The following FBN1 variants were observed in gnomAD, a reference collection of about 807,000 sequenced individuals.
The protein encoded by FBN1 is fibrillin-1.
In FBN1, 29 loss-of-function variants were observed where a neutral mutation model predicts 365.1. The ratio of observed to expected loss-of-function variants is 0.08; its 90% CI spans 0.06 to 0.11. FBN1 has a LOEUF of 0.11. FBN1 is among the 10% of genes least tolerant of loss of function. FBN1 has a pLI of 1.00. For synonymous variants in FBN1, 1,210 were observed against 1,270.5 expected (o/e 0.95, Z 1.01); for missense variants, 2,476 against 3,703.2 (o/e 0.67, Z 8.60).
chr15:48,484,051 A>C, intron 30 of FBN1, 108 bp from the exon 31 acceptor site: 1 of 1,097,810 alleles, frequency 9.1e-7, no homozygotes, highest in Non-Finnish European at 1.4e-6. Context: ...CTAGCATAAG[A>C]CTATTAACTC....
chr15:48,571,571 C>G (rs2044305804), intron 6 of FBN1, among the ~76,000 whole-genome samples: 1 of 152,022 alleles, frequency 6.6e-6, no homozygotes, highest in Non-Finnish European at 1.5e-5. Flanking sequence ...ATTTAAGAAC[C>G]TATTTCAATA....
chr15:48,617,105 A>T (rs572925408), intron 2 of FBN1, among the ~76,000 whole-genome samples: 5 of 152,232 alleles, frequency 3.3e-5, no homozygotes, highest in Middle Eastern at 3.2e-3. Context: ...CATAAGTAAC[A>T]CAAATCACAG....
intron 2 of FBN1, among the ~76,000 whole-genome samples, chr15:48,631,575 G>A (rs1209695152): frequency 6.6e-6 from 1 of 152,166 alleles, no homozygotes; most frequent in Non-Finnish European, 1.5e-5. Context: ...ACTAACACAT[G>A]GCTCAGTCCT....
At chr15:48,425,271 G>T in intron 60 of FBN1, 98 bp downstream of exon 60, 1 of 1,525,302 alleles carries the variant, frequency 6.6e-7, no homozygotes, top group Non-Finnish European at 9.1e-7. Context: ...CCTGCCTGTA[G>T]AGCAGGTCTT....
At chr15:48,637,829 GGTT>G (rs1890121995) in intron 2 of FBN1, among the ~76,000 whole-genome samples, 1 of 152,138 alleles carries the variant, frequency 6.6e-6, no homozygotes, top group Non-Finnish European at 1.5e-5. Context: ...GTAGATCAGA[GGTT>G]GTTAAACTTT....
At chr15:48,636,397 C>T (rs969993332) in intron 2 of FBN1, among the ~76,000 whole-genome samples, 8 of 152,274 alleles carry the variant, frequency 5.3e-5, no homozygotes, top group Admixed American at 3.3e-4. Context: ...CCCAGCCCTT[C>T]GAGTTAGCCT....
chr15:48,569,102 C>T (rs2044284545), intron 6 of FBN1, among the ~76,000 whole-genome samples: 1 of 151,968 alleles, frequency 6.6e-6, no homozygotes. Context: ...AAAGAACTTG[C>T]ATTAAAAACT....
chr15:48,458,513 T>C (rs1288077865), intron 43 of FBN1, among the ~76,000 whole-genome samples: 1 of 152,138 alleles, frequency 6.6e-6, no homozygotes, highest in Non-Finnish European at 1.5e-5. Flanking sequence ...GTATCATAAG[T>C]AAACAAAAAA....
intron 42 of FBN1, 146 bp downstream of exon 42, chr15:48,462,936 A>G: frequency 1.3e-6 from 1 of 790,782 alleles, no homozygotes; most frequent in East Asian, 2.4e-5. Context: ...GACCAGCACC[A>G]ACTGTGAATT....
At chr15:48,606,320 C>A (rs914649558) in intron 4 of FBN1, among the ~76,000 whole-genome samples, 1 of 151,828 alleles carries the variant, frequency 6.6e-6, no homozygotes, top group African/African-American at 2.4e-5. Context: ...GAAAAAAAAA[C>A]TGATGACAAC....
intron 6 of FBN1, among the ~76,000 whole-genome samples, chr15:48,558,426 T>TC (rs1178678989): frequency 6.6e-6 from 1 of 152,128 alleles, no homozygotes; most frequent in Admixed American, 6.6e-5. Flanking sequence ...AAACAGGTAC[T>TC]CCCCCAAGTA....
chr15:48,503,279 A>G (rs2043677100), intron 17 of FBN1, among the ~76,000 whole-genome samples: 1 of 143,846 alleles, frequency 7.0e-6, no homozygotes, highest in Non-Finnish European at 1.5e-5. Context: ...CCTGGGCAAC[A>G]GGGCGAGACT....
intron 6 of FBN1, among the ~76,000 whole-genome samples, chr15:48,564,854 G>C (rs549816087): frequency 2.8e-4 from 43 of 152,064 alleles, no homozygotes; most frequent in African/African-American, 9.6e-4. Context: ...CTGGGTATCT[G>C]GTCTCACCTT....
chr15:48,410,938 C>T lies in FBN1; in HGVS notation c.*52G>A, dbSNP rs1308750635. On this transcript the variant is annotated 3_prime_UTR_variant, in exon 66 of 66. Coordinates refer to ENST00000316623, the MANE Select transcript of FBN1 (RefSeq NM_000138.5). ...ATTCTGATTGGGGGAAAATATAGTT[C>T]TACCTATCTATATTTGTTTTTCTTT... 1 of 1,470,162 alleles carries T rather than the reference C, an allele frequency of 6.8e-7. No homozygotes were observed. Among genetic ancestry groups the T allele is most frequent in the Non-Finnish European group, 9.5e-7 (1 of 1,057,986 alleles). The allele number at this position is 1,470,162 out of a possible 1,614,324, so 91.1% of individuals were successfully genotyped here. A position where few individuals can be genotyped will look rare whatever the true frequency, so the allele number is the denominator to read the frequency against.
chr15:48,552,674 T>C (rs2044152878), intron 6 of FBN1, among the ~76,000 whole-genome samples: 1 of 152,198 alleles, frequency 6.6e-6, no homozygotes. Context: ...TCACTGTGGT[T>C]GGGTTTTGCA....
chr15:48,458,592 A>G (rs1450315276), intron 43 of FBN1, among the ~76,000 whole-genome samples: 2 of 152,236 alleles, frequency 1.3e-5, no homozygotes, highest in East Asian at 3.8e-4. Flanking sequence ...CGTTTTAAAT[A>G]TAAGTGATAT....
chr15:48,463,891 G>C lies in FBN1; in HGVS notation c.5065+8C>G. ...AAACATGCATTACTGAGAAAAGCTT[G>C]GACTTACCCATGCAATTATTTCCCC... On this transcript the variant is annotated splice_region_variant and intron_variant, in intron 41 of 65. Transcript: ENST00000316623. 6.2e-7 allele frequency: 1 copy of C among 1,608,052 alleles called. No individual in the cohort carries two copies. Among genetic ancestry groups the C allele is most frequent in the Admixed American group, 1.7e-5 (1 of 59,558 alleles).
intron 16 of FBN1, 60 bp from the exon 17 acceptor site, chr15:48,503,999 A>G (rs1363975816): frequency 1.2e-6 from 2 of 1,603,366 alleles, no homozygotes; most frequent in African/African-American, 2.7e-5. Flanking sequence ...GAACCCCCCA[A>G]GTCAAAGTTG....
chr15:48,525,993 G>A, intron 9 of FBN1, 137 bp downstream of exon 9: 1 of 1,180,004 alleles, frequency 8.5e-7, no homozygotes. Context: ...GCAGTCAACT[G>A]TTTAACATTT....
Sources: gnomAD v4.1 joint callset for allele counts (sites outside exome capture counted in the v4.1 genomes callset) on GRCh38, gnomAD v4.1.1 for gene constraint, MANE v1.5 for transcripts, NCBI Gene and HGNC (gene_info 2026-07-23, HGNC 2026-07-21) for gene names.